Variants in CYP2C19 observed in about 807,000 individuals in gnomAD.
The protein encoded by CYP2C19 is cytochrome P450 family 2 subfamily C member 19.
A neutral mutation model predicts 40.9 loss-of-function variants in CYP2C19; 59 were observed. The observed-to-expected ratio is 1.44, with a 90% CI of 1.17 to 1.79. The LOEUF is 1.79. Ranked by LOEUF, CYP2C19 falls within the 40% of genes most tolerant of loss-of-function variation. The pLI, the probability that CYP2C19 is intolerant of heterozygous loss-of-function variation, is 0.00. For synonymous variants in CYP2C19, 253 were observed against 208.7 expected, an observed-to-expected ratio of 1.21 and a Z score of -1.83; for missense variants, 754 against 596.9, an observed-to-expected ratio of 1.26 and a Z score of -2.74.
rs1375232279 is a variant in CYP2C19 at position 94,820,585 on chromosome 10, C to T, written c.909C>T (p.Ser303=). ...TTGGAGCTGGGACAGAGACAACAAG[C>T]ACAACCCTGAGATATGCTCTCCTTC... ...DLLGAGTETT[S]TTLRYALLLL... is the part of the protein sequence containing the mutation. The change falls in exon 6 of 9, where the codon AGC becomes AGT. Residue 303 remains serine, a synonymous_variant. Coordinates refer to ENST00000371321, the MANE Select transcript of CYP2C19 (RefSeq NM_000769.4). The T allele has an allele frequency of 1.1e-5, 18 of 1,614,090 alleles. No homozygotes were observed. The highest frequency in any genetic ancestry group is 4.4e-5 in the South Asian group (4 of 91,088).
At chr10:94,815,632 T>A (rs970282536) in intron 5 of CYP2C19, among the ~76,000 whole-genome samples, 2 of 152,226 alleles carry the variant, frequency 1.3e-5, no homozygotes, top group African/African-American at 4.8e-5. Context: ...TTATTCTCCA[T>A]CTTCATCATT....
At chr10:94,828,199 T>A (rs1433584887) in intron 6 of CYP2C19, among the ~76,000 whole-genome samples, 1 of 152,082 alleles carries the variant, frequency 6.6e-6, no homozygotes, top group East Asian at 1.9e-4. Context: ...CAGACCTGAG[T>A]TCAATTCCTG....
chr10:94,827,513 CT>C (rs1324935036), intron 6 of CYP2C19, among the ~76,000 whole-genome samples: 2 of 152,010 alleles, frequency 1.3e-5, no homozygotes, highest in Admixed American at 1.3e-4. Context: ...GTGATATCCC[CT>C]TTATCGTTTT....
Position 94,834,791 on chromosome 10 carries a change from G to A in CYP2C19, c.962-8046G>A, listed in dbSNP as rs772166503. Among the ~76,000 whole-genome samples the A allele has an allele frequency of 4.6e-5, 7 of 152,150 alleles. 1 individual carries two copies. The highest frequency in any genetic ancestry group is 3.3e-4 in the Admixed American group (5 of 15,272). ...TTACTATCTGATTGGTCATGTGTGAGCTAAGTTGCAAGCCCCGTGTTTAAA... is the reference window on the plus strand; with the variant it reads ...TTACTATCTGATTGGTCATGTGTGAACTAAGTTGCAAGCCCCGTGTTTAAA... On this transcript the variant is annotated intron_variant, in intron 6 of 8. Coordinates refer to ENST00000371321, the MANE Select transcript of CYP2C19 (RefSeq NM_000769.4).
At chr10:94,844,357 A>G (rs976674711) in intron 7 of CYP2C19, among the ~76,000 whole-genome samples, 1 of 152,204 alleles carries the variant, frequency 6.6e-6, no homozygotes, top group Non-Finnish European at 1.5e-5. Flanking sequence ...TCAGAATTGT[A>G]CATAATGTGA....
rs56803012 is a variant in CYP2C19 at position 94,831,798 on chromosome 10, T to A, written c.962-11039T>A. ...ACTTAAGTTCCTTATATATTCTGGTTATTAATCTCTTGTCAGATGAGTAGT... is the reference window on the plus strand; with the variant it reads ...ACTTAAGTTCCTTATATATTCTGGTAATTAATCTCTTGTCAGATGAGTAGT... On this transcript the variant is annotated intron_variant, in intron 6 of 8. Transcript: ENST00000371321. Among the ~76,000 whole-genome samples the A allele has an allele frequency of 4.7e-3, 710 of 152,324 alleles. 3 individuals are homozygous for A. Among genetic ancestry groups the A allele is most frequent in the African/African-American group, 0.017 (687 of 41,568 alleles).
chr10:94,846,672 C>CTATT lies in CYP2C19; in HGVS notation c.1150-3227_1150-3224dup, dbSNP rs543613017. Among the ~76,000 whole-genome samples, 241 of 151,728 alleles carry CTATT rather than the reference C, an allele frequency of 1.6e-3. 2 individuals are homozygous for CTATT. Among genetic ancestry groups the CTATT allele is most frequent in the African/African-American group, 5.4e-3 (224 of 41,414 alleles). ...TCTGTATTTTTTAAACTATTAGAAT[C>CTATT]TATTTATTTATTTATTTATTTTATT... On this transcript the variant is annotated intron_variant, in intron 7 of 8. Coordinates refer to ENST00000371321, the MANE Select transcript of CYP2C19 (RefSeq NM_000769.4).
chr10:94,842,884 C>T lies in CYP2C19; in HGVS notation c.1009C>T (p.Pro337Ser), dbSNP rs748832049. The change falls in exon 7 of 9, where the codon CCC becomes TCC. Residue 337 changes from proline to serine, a missense_variant. Pro to Ser is a moderately conservative substitution (Grantham distance 74). Transcript: ENST00000371321. ...ACGTGTCATTGGCAGAAACCGGAGCCCCTGCATGCAGGACAGGGGCCACAT... is the reference window on the plus strand; with the variant it reads ...ACGTGTCATTGGCAGAAACCGGAGCTCCTGCATGCAGGACAGGGGCCACAT... Reference protein sequence around the residue: ...IERVIGRNRSPCMQDRGHMPY... With the variant: ...IERVIGRNRSSCMQDRGHMPY... 1 of 1,614,178 alleles carries T rather than the reference C, an allele frequency of 6.2e-7. No homozygotes were observed. Among genetic ancestry groups the T allele is most frequent in the Non-Finnish European group, 8.5e-7 (1 of 1,180,020 alleles).
At chr10:94,826,871 G>C (rs1397861251) in intron 6 of CYP2C19, among the ~76,000 whole-genome samples, 1 of 152,088 alleles carries the variant, frequency 6.6e-6, no homozygotes. Flanking sequence ...AGCATGAAGG[G>C]CTGTTGAATT....
chr10:94,849,858 G>C (rs535802673), intron 7 of CYP2C19, 59 bp from the exon 8 acceptor site: 2 of 1,597,592 alleles, frequency 1.3e-6, no homozygotes, highest in African/African-American at 1.3e-5. Context: ...GATTACCACT[G>C]TTTCTTAAAC....
intron 1 of CYP2C19, among the ~76,000 whole-genome samples, chr10:94,770,227 T>C (rs950036555): frequency 6.6e-5 from 10 of 152,096 alleles, no homozygotes; most frequent in Non-Finnish European, 1.3e-4. Context: ...ATCATCTGGT[T>C]GGGGGCTTCT....
chr10:94,822,776 T>C (rs1849149232), intron 6 of CYP2C19, among the ~76,000 whole-genome samples: 1 of 152,194 alleles, frequency 6.6e-6, no homozygotes, highest in Non-Finnish European at 1.5e-5. Context: ...CCATTCTGAC[T>C]GGTGTGAGAT....
chr10:94,792,829 G>A (rs900700538), intron 5 of CYP2C19, among the ~76,000 whole-genome samples: 1 of 152,080 alleles, frequency 6.6e-6, no homozygotes, highest in African/African-American at 2.4e-5. Context: ...ACAATTATGT[G>A]TCATGGGGTT....
chr10:94,804,324 T>C (rs1848804765), intron 5 of CYP2C19, among the ~76,000 whole-genome samples: 1 of 152,206 alleles, frequency 6.6e-6, no homozygotes, highest in African/African-American at 2.4e-5. Context: ...CAGTACCCAC[T>C]GCTAAGGTGC....
At chr10:94,842,766 T>C (rs1287525238) in intron 6 of CYP2C19, 71 bp from the exon 7 acceptor site, 2 of 1,473,836 alleles carry the variant, frequency 1.4e-6, no homozygotes, top group Admixed American at 1.7e-5. Context: ...ATGATTCATG[T>C]ACCCCTGAAT....
At chr10:94,808,007 G>GT (rs1848859476) in intron 5 of CYP2C19, among the ~76,000 whole-genome samples, 1 of 152,082 alleles carries the variant, frequency 6.6e-6, no homozygotes, top group African/African-American at 2.4e-5. Flanking sequence ...ATAGTTTCAG[G>GT]TATTAATCAT....
In CYP2C19 at chr10:94,795,919, T is replaced by G. The variant is rs530293905; in HGVS notation, c.819+13922T>G. Among the ~76,000 whole-genome samples the G allele has an allele frequency of 1.3e-3, 202 of 152,290 alleles. 2 individuals carry two copies. Among genetic ancestry groups the G allele is most frequent in the Admixed American group, 6.5e-3 (99 of 15,306 alleles). On this transcript the variant is annotated intron_variant, in intron 5 of 8. Coordinates refer to ENST00000371321, the MANE Select transcript of CYP2C19 (RefSeq NM_000769.4). Reference sequence around the variant, plus strand: ...ATTAGGCCTTTGTCAGATGAGTAGATTGCAAAAATTTTCTCCCATTCTGTA... The same window carrying G: ...ATTAGGCCTTTGTCAGATGAGTAGAGTGCAAAAATTTTCTCCCATTCTGTA...
intron 5 of CYP2C19, among the ~76,000 whole-genome samples, chr10:94,802,176 C>T (rs1848776096): frequency 6.6e-6 from 1 of 152,084 alleles, no homozygotes; most frequent in Admixed American, 6.6e-5. Context: ...CTGATTGGTC[C>T]AGTTTACAAA....
intron 6 of CYP2C19, among the ~76,000 whole-genome samples, chr10:94,832,655 G>A (rs1004657005): frequency 2.6e-5 from 4 of 152,110 alleles, no homozygotes; most frequent in African/African-American, 9.7e-5. Flanking sequence ...TGCTGTTTTT[G>A]TTAGTATAGC....
Sources: allele counts gnomAD v4.1 joint callset (sites outside exome capture counted in the v4.1 genomes callset), GRCh38; gene constraint gnomAD v4.1.1; transcripts MANE v1.5; gene names NCBI Gene and HGNC (gene_info 2026-07-23, HGNC 2026-07-21).